ACSF3: variants seen among roughly 807,000 people sequenced by gnomAD.
ACSF3 encodes the protein malonate--CoA ligase ACSF3, mitochondrial.
Under a neutral mutation model 53.2 loss-of-function variants are expected in ACSF3, and 78 were observed. The observed-to-expected ratio is 1.47, with a 90% CI of 1.22 to 1.77. ACSF3 has a LOEUF of 1.77. Among genes scored for constraint, ACSF3 ranks in the 40% most tolerant of loss-of-function variants. ACSF3 has a pLI of 0.00. For synonymous variants in ACSF3, 414 were observed against 333.1 expected (o/e 1.24, Z -2.65); for missense variants, 937 against 771.1 (o/e 1.22, Z -2.55).
At chr16:89,136,414 G>A in intron 8 of ACSF3, 1 of 894,732 alleles carries the variant, frequency 1.1e-6, no homozygotes, top group South Asian at 1.7e-5. Context: ...GAAGCCGCAT[G>A]TCTTTGTCAC....
At chr16:89,129,895 C>T (rs564964189) in intron 7 of ACSF3, among the ~76,000 whole-genome samples, 8 of 152,196 alleles carry the variant, frequency 5.3e-5, no homozygotes, top group East Asian at 3.8e-4. Flanking sequence ...GCCTCCACAT[C>T]GGTTACTTAC....
chr16:89,105,049 G>A (rs1016854897), intron 4 of ACSF3, among the ~76,000 whole-genome samples: 3 of 150,410 alleles, frequency 2.0e-5, no homozygotes, highest in Non-Finnish European at 4.5e-5. Context: ...GGGCCCCGTC[G>A]CCAGGGTCAC....
At chr16:89,126,031 C>T (rs908350046) in intron 7 of ACSF3, among the ~76,000 whole-genome samples, 2 of 152,252 alleles carry the variant, frequency 1.3e-5, no homozygotes, top group African/African-American at 4.8e-5. Flanking sequence ...TATGTTTCTC[C>T]ATTTACATAG....
chr16:89,105,611 C>T (rs1398743690), intron 4 of ACSF3, among the ~76,000 whole-genome samples: 2 of 152,182 alleles, frequency 1.3e-5, no homozygotes, highest in East Asian at 3.9e-4. Context: ...GTGACTGGGC[C>T]CCCTCAACCT....
chr16:89,094,809 T>C (rs74686677), intron 1 of ACSF3, among the ~76,000 whole-genome samples: 4,697 of 152,246 alleles, frequency 0.031, 224 homozygotes, highest in African/African-American at 0.1. Flanking sequence ...GCACGAGGAT[T>C]TCTTGAGCCC....
At chr16:89,100,442 T>A (rs1259357481) in intron 2 of ACSF3, among the ~76,000 whole-genome samples, 1 of 152,220 alleles carries the variant, frequency 6.6e-6, no homozygotes, top group Non-Finnish European at 1.5e-5. Flanking sequence ...ATCCTTAAAC[T>A]CATGAAGTGA....
At chr16:89,153,922 G>T (rs969134258) in intron 10 of ACSF3, 168 bp from the exon 11 acceptor site, 10 of 672,836 alleles carry the variant, frequency 1.5e-5, no homozygotes, top group Non-Finnish European at 2.4e-5. Flanking sequence ...GGCTGCTAGG[G>T]CAGAGACAGC....
chr16:89,107,899 C>T (rs1027755543), intron 4 of ACSF3, among the ~76,000 whole-genome samples: 1 of 152,170 alleles, frequency 6.6e-6, no homozygotes, highest in Non-Finnish European at 1.5e-5. Context: ...TCCGTGTGCA[C>T]ACTACTGATA....
chr16:89,097,832 C>T (rs984707816), intron 1 of ACSF3, among the ~76,000 whole-genome samples: 3 of 152,136 alleles, frequency 2.0e-5, no homozygotes, highest in Non-Finnish European at 2.9e-5. Context: ...CAGGACTGAC[C>T]GTTTGGTAGG....
Position 89,093,963 on chromosome 16 carries a change from CAG to C in ACSF3, c.-225_-224del. On this transcript the variant is annotated 5_prime_UTR_variant, in exon 1 of 11. Coordinates refer to ENST00000614302, the MANE Select transcript of ACSF3 (RefSeq NM_001243279.3). ...AGGACGAGGAAGAGTTGTGGCGAGG[CAG>C]ATCCTGCCCCGTGGCCGCGGCCGTC... is the stretch of plus-strand genomic sequence containing the variant. The C allele has an allele frequency of 3.2e-6, 1 of 314,764 alleles. No individual in the cohort carries two copies. The highest frequency in any genetic ancestry group is 6.7e-6 in the Non-Finnish European group (1 of 149,870). 19.5% of individuals were successfully genotyped at this position (314,764 alleles called of 1,614,324 possible). A position where few individuals can be genotyped will look rare whatever the true frequency, so the allele number is the denominator to read the frequency against.
At chr16:89,145,552 GAA>G in intron 9 of ACSF3, 151 bp downstream of exon 9, 3 of 1,044,420 alleles carry the variant, frequency 2.9e-6, no homozygotes, top group Non-Finnish European at 4.1e-6. Flanking sequence ...CCTGGCCAGG[GAA>G]CATGGGGCTA....
chr16:89,132,111 C>G (rs1355517232), intron 7 of ACSF3, among the ~76,000 whole-genome samples: 1 of 152,286 alleles, frequency 6.6e-6, no homozygotes, highest in East Asian at 1.9e-4. Context: ...GGCCCCACGG[C>G]GTTTGAGCGC....
chr16:89,104,196 C>G (rs1975700780), intron 4 of ACSF3, among the ~76,000 whole-genome samples: 1 of 152,234 alleles, frequency 6.6e-6, no homozygotes, highest in Non-Finnish European at 1.5e-5. Context: ...TTACCAGCCT[C>G]TGCCCGTATA....
In ACSF3 at chr16:89,154,174, G is replaced by A. The variant is rs2151586215; in HGVS notation, c.1698G>A (p.Lys566=). 1 of 1,613,732 alleles carries A rather than the reference G, an allele frequency of 6.2e-7. No individual in the cohort carries two copies. Among genetic ancestry groups the A allele is most frequent in the South Asian group, 1.1e-5 (1 of 90,944 alleles). ...GGAACCAGATGGGCAAGATTGACAA[G>A]AAGGCGCTCATCAGGCACTTCCACC... ...IPRNQMGKID[K]KALIRHFHPS Residue 566 remains lysine (K), a synonymous_variant, in exon 11 of 11, where the codon AAG becomes AAA. Coordinates refer to ENST00000614302, the MANE Select transcript of ACSF3 (RefSeq NM_001243279.3).
At chr16:89,104,057 A>T (rs1260725989) in intron 4 of ACSF3, among the ~76,000 whole-genome samples, 2 of 152,072 alleles carry the variant, frequency 1.3e-5, no homozygotes, top group Non-Finnish European at 2.9e-5. Context: ...ATTCTAGCTG[A>T]CTGCAGGCAA....
rs1280151478 is a variant in ACSF3, at chr16:89,155,636, C to T, written c.*1429C>T. 2.2e-6 allele frequency: 1 copy of T among 454,084 alleles called. No homozygotes were observed. The highest frequency in any genetic ancestry group is 6.9e-5 in the East Asian group (1 of 14,400). 28.1% of individuals were successfully genotyped at this position (454,084 alleles called of 1,614,324 possible). On this transcript the variant is annotated 3_prime_UTR_variant, in exon 11 of 11. Coordinates refer to ENST00000614302, the MANE Select transcript of ACSF3 (RefSeq NM_001243279.3). ...CGCCCTCCCGCCAGAGGCCTGGACC[C>T]AAGGGAACGGCAGTCAGAGACTACA...
chr16:89,100,227 G>A (rs371008931), intron 2 of ACSF3, among the ~76,000 whole-genome samples: 3 of 152,242 alleles, frequency 2.0e-5, no homozygotes, highest in Admixed American at 6.5e-5. Context: ...TGTCTGCCCC[G>A]GGGGCGGGGT....
chr16:89,119,194 G>T (rs1452431440), intron 6 of ACSF3, among the ~76,000 whole-genome samples: 1 of 152,184 alleles, frequency 6.6e-6, no homozygotes, highest in Non-Finnish European at 1.5e-5. Context: ...CCATCCCAGA[G>T]CCTCTTCAGC....
At chr16:89,133,748 C>T (rs1310099827) in intron 8 of ACSF3, among the ~76,000 whole-genome samples, 1 of 152,246 alleles carries the variant, frequency 6.6e-6, no homozygotes, top group Non-Finnish European at 1.5e-5. Context: ...TGACGCAGTG[C>T]GGTTGGTTTG....
Sources: gnomAD v4.1 joint callset for allele counts (sites outside exome capture counted in the v4.1 genomes callset) on GRCh38, gnomAD v4.1.1 for gene constraint, MANE v1.5 for transcripts, NCBI Gene and HGNC (gene_info 2026-07-23, HGNC 2026-07-21) for gene names.